Variants in EPHB1 observed in about 807,000 individuals in gnomAD.
EPHB1 encodes the protein EPH receptor B1.
EPHB1 carries 30 observed loss-of-function variants against 94.4 expected under a neutral mutation model. The observed-to-expected ratio is 0.32, with a 90% CI of 0.24 to 0.43. EPHB1 has a LOEUF of 0.43. Ranked by LOEUF, EPHB1 falls within the 20% of genes least tolerant of loss-of-function variation. The probability of loss-of-function intolerance (pLI) is 1.00; values close to 1 mark genes in which losing one functional copy is unlikely to be tolerated. For synonymous variants in EPHB1, 522 were observed against 489.1 expected, an observed-to-expected ratio of 1.07 and a Z score of -0.89; for missense variants, 1,055 against 1,308.3, an observed-to-expected ratio of 0.81 and a Z score of 2.99.
intron 1 of EPHB1, among the ~76,000 whole-genome samples, chr3:134,865,070 G>A (rs937515295): frequency 1.0e-4 from 13 of 124,192 alleles, no homozygotes; most frequent in Admixed American, 1.0e-3. Context: ...TAAAACATAC[G>A]TGTGTGTGTG....
chr3:134,800,528 C>G (rs1473968786), intron 1 of EPHB1, among the ~76,000 whole-genome samples: 2 of 152,112 alleles, frequency 1.3e-5, no homozygotes, highest in Non-Finnish European at 2.9e-5. Flanking sequence ...TGGGTCCTAA[C>G]CCTAAAAGCT....
chr3:134,862,011 C>T (rs73214886), intron 1 of EPHB1, among the ~76,000 whole-genome samples: 12,784 of 152,220 alleles, frequency 0.084, 562 homozygotes, highest in Middle Eastern at 0.1. Context: ...TTAGCAGCCT[C>T]CCATGAAGGC....
intron 2 of EPHB1, among the ~76,000 whole-genome samples, chr3:134,932,330 T>C (rs1445175384): frequency 2.0e-5 from 3 of 152,150 alleles, no homozygotes; most frequent in African/African-American, 7.2e-5. Context: ...CCCCTGGCTG[T>C]CTCCTCAGTC....
chr3:134,867,134 AC>A (rs2037397294), intron 1 of EPHB1, among the ~76,000 whole-genome samples: 1 of 151,642 alleles, frequency 6.6e-6, no homozygotes, highest in Non-Finnish European at 1.5e-5. Flanking sequence ...TTCTTTTTAT[AC>A]TCTAGGTGTA....
chr3:135,219,514 A>G (rs1943230090), intron 12 of EPHB1, among the ~76,000 whole-genome samples: 1 of 152,084 alleles, frequency 6.6e-6, no homozygotes, highest in Non-Finnish European at 1.5e-5. Context: ...ACCAGAAACT[A>G]GAAGGAGCAA....
At chr3:135,184,187 G>A (rs1187262904) in intron 10 of EPHB1, among the ~76,000 whole-genome samples, 1 of 152,172 alleles carries the variant, frequency 6.6e-6, no homozygotes, top group African/African-American at 2.4e-5. Flanking sequence ...CATGGAGGCT[G>A]TGATCAGAAA....
intron 15 of EPHB1, among the ~76,000 whole-genome samples, chr3:135,251,989 A>G (rs897582684): frequency 2.0e-5 from 3 of 152,126 alleles, no homozygotes; most frequent in African/African-American, 2.4e-5. Context: ...ACATTACTTA[A>G]TTTCTCTGAG....
chr3:135,148,591 C>T (rs1306109083), intron 5 of EPHB1, among the ~76,000 whole-genome samples: 3 of 152,212 alleles, frequency 2.0e-5, no homozygotes, highest in Non-Finnish European at 4.4e-5. Context: ...ATTTGTTCCA[C>T]GTCATCTGTG....
chr3:135,042,908 C>T (rs1287384783), intron 3 of EPHB1, among the ~76,000 whole-genome samples: 1 of 152,118 alleles, frequency 6.6e-6, no homozygotes, highest in Non-Finnish European at 1.5e-5. Flanking sequence ...GTGGCGCAAT[C>T]TCGGCTCACT....
At chr3:134,989,552 A>C (rs1038517856) in intron 3 of EPHB1, among the ~76,000 whole-genome samples, 1 of 152,142 alleles carries the variant, frequency 6.6e-6, no homozygotes, top group Non-Finnish European at 1.5e-5. Flanking sequence ...TAATCCAGAA[A>C]CTACTATTGT....
At chr3:134,948,935 G>T (rs1352726498) in intron 2 of EPHB1, among the ~76,000 whole-genome samples, 1 of 152,234 alleles carries the variant, frequency 6.6e-6, no homozygotes, top group Admixed American at 6.5e-5. Flanking sequence ...AGAACAAAAA[G>T]CCATCCTAGG....
intron 11 of EPHB1, among the ~76,000 whole-genome samples, chr3:135,199,137 T>TCC (rs1338670790): frequency 6.6e-6 from 1 of 152,230 alleles, no homozygotes; most frequent in Non-Finnish European, 1.5e-5. Flanking sequence ...CCCAGTGCTC[T>TCC]CCCCAAATGC....
chr3:135,135,227 C>A (rs528688906), intron 5 of EPHB1, among the ~76,000 whole-genome samples: 1 of 152,202 alleles, frequency 6.6e-6, no homozygotes, highest in East Asian at 1.9e-4. Flanking sequence ...GAGAAGGATG[C>A]AATTTCTTCT....
intron 3 of EPHB1, among the ~76,000 whole-genome samples, chr3:134,980,395 C>T (rs1934358014): frequency 6.6e-6 from 1 of 152,160 alleles, no homozygotes; most frequent in Non-Finnish European, 1.5e-5. Context: ...TCACTTCTGC[C>T]ATACCCGATT....
intron 3 of EPHB1, among the ~76,000 whole-genome samples, chr3:135,052,272 C>A (rs573353175): frequency 3.3e-5 from 5 of 152,080 alleles, no homozygotes; most frequent in African/African-American, 1.2e-4. Flanking sequence ...TGGTGTGTGT[C>A]GATTGAATAT....
chr3:135,096,547 A>G (rs540673299), intron 3 of EPHB1, among the ~76,000 whole-genome samples: 4 of 152,314 alleles, frequency 2.6e-5, no homozygotes, highest in African/African-American at 9.6e-5. Flanking sequence ...TTGCTGTAAC[A>G]AACACTGGGT....
chr3:135,112,501 T>C (rs1486941404), intron 4 of EPHB1, among the ~76,000 whole-genome samples: 10 of 151,652 alleles, frequency 6.6e-5, no homozygotes, highest in African/African-American at 1.7e-4. Context: ...AACTTGTCAT[T>C]TAGCATTAGG....
chr3:134,836,228 G>C (rs2036672074), intron 1 of EPHB1, among the ~76,000 whole-genome samples: 1 of 152,140 alleles, frequency 6.6e-6, no homozygotes, highest in Non-Finnish European at 1.5e-5. Flanking sequence ...AGACTGATTT[G>C]ACAGCAACAG....
chr3:134,992,657 T>G (rs988419167), intron 3 of EPHB1, among the ~76,000 whole-genome samples: 1 of 152,112 alleles, frequency 6.6e-6, no homozygotes, highest in African/African-American at 2.4e-5. Context: ...AGCCTTCAAG[T>G]GCCTGCCTAA....
Sources: gnomAD v4.1 joint callset for allele counts (sites outside exome capture counted in the v4.1 genomes callset) on GRCh38, gnomAD v4.1.1 for gene constraint, MANE v1.5 for transcripts, NCBI Gene and HGNC (gene_info 2026-07-23, HGNC 2026-07-21) for gene names.